The following CEP20 variants were observed in gnomAD, a reference collection of about 807,000 sequenced individuals.
The protein encoded by CEP20 is FGFR1OP N-terminal like.
A neutral mutation model predicts 20.0 loss-of-function variants in CEP20; 18 were observed. That is an observed-to-expected ratio of 0.90 (90% CI 0.62 to 1.34). The LOEUF (loss-of-function observed/expected upper bound fraction) is 1.34, where lower values mean the gene tolerates loss of function less well. CEP20 is among the 40% of genes most tolerant of loss of function. The pLI is 0.00. For synonymous variants in CEP20, 77 were observed against 73.7 expected, an observed-to-expected ratio of 1.04 and a Z score of -0.23; for missense variants, 215 against 201.6, an observed-to-expected ratio of 1.07 and a Z score of -0.40.
intron 4 of CEP20, among the ~76,000 whole-genome samples, chr16:15,870,850 T>C (rs1352081521): frequency 6.8e-6 from 1 of 146,574 alleles, no homozygotes; most frequent in African/African-American, 2.5e-5. Context: ...TACTCTGGAA[T>C]ATGAAACAAA....
At chr16:15,872,619 G>A (rs960242713) in intron 4 of CEP20, among the ~76,000 whole-genome samples, 5 of 152,184 alleles carry the variant, frequency 3.3e-5, no homozygotes, top group African/African-American at 1.2e-4. Context: ...GAAGGTGAGA[G>A]GATTGCTTGA....
intron 2 of CEP20, 101 bp downstream of exon 2, chr16:15,883,907 G>A (rs749814430): frequency 2.2e-4 from 208 of 953,830 alleles, no homozygotes; most frequent in Non-Finnish European, 3.1e-4. Flanking sequence ...TCACCCAGAT[G>A]GCACTATCTG....
chr16:15,868,233 G>T (rs1006082671), intron 4 of CEP20, among the ~76,000 whole-genome samples: 1 of 151,870 alleles, frequency 6.6e-6, no homozygotes, highest in African/African-American at 2.4e-5. Flanking sequence ...ATCACCTGAG[G>T]TCAGGAGATA....
At chr16:15,878,062 G>GAAAAAAGAAAA (rs929507704) in intron 3 of CEP20, among the ~76,000 whole-genome samples, 1 of 146,446 alleles carries the variant, frequency 6.8e-6, no homozygotes, top group African/African-American at 2.5e-5. Context: ...TCACAAAAAG[G>GAAAAAAGAAAA]AAAAAAGAAA....
intron 1 of CEP20, chr16:15,886,094 A>G (rs2045240003): frequency 6.6e-6 from 1 of 152,228 alleles, no homozygotes; most frequent in Non-Finnish European, 1.5e-5. Flanking sequence ...GCTGTACACT[A>G]CTGGGAAATC....
chr16:15,888,478 G>A, intron 1 of CEP20, 80 bp downstream of exon 1: 1 of 1,582,422 alleles, frequency 6.3e-7, no homozygotes, highest in Admixed American at 1.7e-5. Context: ...TGTGTTCCGC[G>A]CGCTCTCCTC....
intron 2 of CEP20, among the ~76,000 whole-genome samples, chr16:15,881,404 G>A (rs1218537627): frequency 1.3e-5 from 2 of 152,178 alleles, no homozygotes; most frequent in Non-Finnish European, 2.9e-5. Context: ...AAGCAGAGAT[G>A]CTGATATCAA....
intron 2 of CEP20, among the ~76,000 whole-genome samples, chr16:15,882,731 ATATCTATCTATCTATCTATCTATC>A (rs68035220): frequency 3.4e-5 from 5 of 145,546 alleles, no homozygotes; most frequent in African/African-American, 1.0e-4. Flanking sequence ...TATCTCCATT[ATATCTATCTATCTATCTATCTATC>A]TATCTATCTA....
rs771476438 is a variant in CEP20, at chr16:15,884,154, C to G, written c.80G>C (p.Arg27Thr). The change falls in exon 2 of 5, where the codon AGG (arginine) becomes ACG (threonine). Residue 27 changes from arginine (R) to threonine (T), a missense_variant. Arg to Thr is a moderately conservative substitution (Grantham distance 71). Transcript: ENST00000255759. ...GGCATTGAAAACTTCAGCTCGGATC[C>G]TTGCTTTTAAATGCCCTAATACCCC... Reference protein sequence around the residue: ...KKGVLGHLKARIRAEVFNALD... With the variant: ...KKGVLGHLKATIRAEVFNALD... 1.2e-6 allele frequency: 2 copies of G among 1,613,896 alleles called. No individual in the cohort carries two copies. The highest frequency in any genetic ancestry group is 2.7e-5 in the African/African-American group (2 of 74,912).
intron 3 of CEP20, among the ~76,000 whole-genome samples, chr16:15,875,546 G>C (rs2044923072): frequency 6.6e-6 from 1 of 152,164 alleles, no homozygotes; most frequent in Non-Finnish European, 1.5e-5. Context: ...AGCTACTTGG[G>C]AGGCTGAGGT....
At chr16:15,870,371 C>A (rs2044785045) in intron 4 of CEP20, among the ~76,000 whole-genome samples, 1 of 152,126 alleles carries the variant, frequency 6.6e-6, no homozygotes, top group Admixed American at 6.5e-5. Flanking sequence ...GTCATATATT[C>A]TTGGTAAGTG....
chr16:15,884,286 A>G, intron 1 of CEP20, 81 bp from the exon 2 acceptor site: 4 of 1,353,228 alleles, frequency 3.0e-6, no homozygotes, highest in Non-Finnish European at 4.1e-6. Context: ...AAATGTTGAA[A>G]AGGTAAATGG....
intron 3 of CEP20, 44 bp from the exon 4 acceptor site, chr16:15,873,671 C>T (rs200869961): frequency 2.5e-6 from 4 of 1,570,836 alleles, no homozygotes; most frequent in Non-Finnish European, 2.6e-6. Flanking sequence ...GCTAATAAAT[C>T]TGCATAAACG....
intron 2 of CEP20, among the ~76,000 whole-genome samples, chr16:15,883,770 G>A (rs186531023): frequency 1.8e-4 from 28 of 152,124 alleles, no homozygotes; most frequent in Middle Eastern, 3.4e-3. Flanking sequence ...GTTTATTCTC[G>A]GTTACAGGAA....
rs145842984 is a variant in CEP20 at position 15,866,032 on chromosome 16, A to G, written c.*1408T>C. The G allele has an allele frequency of 6.6e-6, 1 of 152,350 alleles. No homozygotes were observed. The highest frequency in any genetic ancestry group is 1.9e-4 in the East Asian group (1 of 5,180). The allele number at this position is 152,350 out of a possible 1,614,324, so 9.4% of individuals were successfully genotyped here. A position where few individuals can be genotyped will look rare whatever the true frequency, so the allele number is the denominator to read the frequency against. ...ACATACAATACAACGGAATTCATCA[A>G]TGTAATCAGATATTGCAGATTTAAA... is the stretch of plus-strand genomic sequence containing the variant. On this transcript the variant is annotated 3_prime_UTR_variant, in exon 5 of 5. Transcript: ENST00000255759.
At chr16:15,872,313 C>CA (rs200581304) in intron 4 of CEP20, among the ~76,000 whole-genome samples, 1,214 of 114,162 alleles carry the variant, frequency 0.011, 9 homozygotes, top group Middle Eastern at 0.038. Context: ...GACTCTGTCT[C>CA]AAAAAAAAAA....
At chr16:15,884,583 C>G (rs1567243753) in intron 1 of CEP20, among the ~76,000 whole-genome samples, 1 of 152,126 alleles carries the variant, frequency 6.6e-6, no homozygotes, top group Non-Finnish European at 1.5e-5. Context: ...CTCACTGCAA[C>G]CTCTGCCTCC....
Position 15,873,594 on chromosome 16 carries a change from C to T in CEP20, c.345G>A (p.Leu115=). 6.2e-7 allele frequency: 1 copy of T among 1,613,864 alleles called. No homozygotes were observed. The highest frequency in any genetic ancestry group is 8.5e-7 in the Non-Finnish European group (1 of 1,179,878). Residue 115 remains leucine, a synonymous_variant, in exon 4 of 5, where the codon TTG becomes TTA. Transcript: ENST00000255759. ...PLLYGILAHF[L]RGTKDGIQNA... ...TCTGGATGCCATCCTTAGTTCCACG[C>T]AAGAAATGGGCTAAAATCCCATATA...
At chr16:15,873,379 T>G in intron 4 of CEP20, 112 bp downstream of exon 4, 1 of 1,257,786 alleles carries the variant, frequency 8.0e-7, no homozygotes, top group Non-Finnish European at 1.1e-6. Flanking sequence ...ATATTAGATA[T>G]AAGCAGAATT....
Sources: allele counts gnomAD v4.1 joint callset (sites outside exome capture counted in the v4.1 genomes callset), GRCh38; gene constraint gnomAD v4.1.1; transcripts MANE v1.5; gene names NCBI Gene and HGNC (gene_info 2026-07-23, HGNC 2026-07-21).